The following ANAPC15 variants were observed in gnomAD, a reference collection of about 807,000 sequenced individuals.
ANAPC15 encodes anaphase promoting complex subunit 15, also known as anaphase-promoting complex subunit 15.
In ANAPC15, 13 loss-of-function variants were observed where a neutral mutation model predicts 19.8. The ratio of observed to expected loss-of-function variants is 0.66; its 90% confidence interval spans 0.43 to 1.04. The LOEUF (loss-of-function observed/expected upper bound fraction) is 1.04, where lower values mean the gene tolerates loss of function less well. ANAPC15 is among the 50% of genes least tolerant of loss of function. The pLI, the probability that ANAPC15 is intolerant of heterozygous loss-of-function variation, is 0.00. For synonymous variants in ANAPC15, 45 were observed against 50.7 expected, an observed-to-expected ratio of 0.89 and a Z score of 0.47; for missense variants, 88 against 150.3, an observed-to-expected ratio of 0.59 and a Z score of 2.17.
downstream of ANAPC15, chr11:72,109,180 G>C: frequency 1.9e-6 from 1 of 521,440 alleles, no homozygotes; most frequent in Non-Finnish European, 3.5e-6. Context: ...CTGAGCTCCC[G>C]ACCCAGCTCT....
At chr11:72,111,367 G>T in intron 2 of ANAPC15, 45 bp downstream of exon 2, 1 of 1,112,168 alleles carries the variant, frequency 9.0e-7, no homozygotes, top group Non-Finnish European at 1.3e-6. Context: ...GGATAGGGTG[G>T]AAGACAGCAG....
downstream of ANAPC15, chr11:72,109,305 G>C (rs555713032): frequency 1.1e-4 from 51 of 470,590 alleles, no homozygotes; most frequent in Non-Finnish European, 1.7e-4. Flanking sequence ...CCCAGTTCTC[G>C]GCCTCAGAAA....
chr11:72,108,571 C>G, downstream of ANAPC15: 1 of 1,435,080 alleles, frequency 7.0e-7, no homozygotes, highest in Admixed American at 2.8e-5. Flanking sequence ...ACAATTCCCC[C>G]CACCCTCACC....
At chr11:72,106,484 A>G (rs1350747283), downstream of ANAPC15, 1 of 357,548 alleles carries the variant, frequency 2.8e-6, no homozygotes, top group Non-Finnish European at 5.1e-6. Flanking sequence ...GCCTCAAAGG[A>G]ACCATAATAC....
downstream of ANAPC15, chr11:72,108,851 C>T (rs570166217): frequency 1.1e-4 from 172 of 1,550,730 alleles, no homozygotes; most frequent in Middle Eastern, 5.0e-4. Context: ...CTGCCGCCTC[C>T]ACCACACTGG....
chr11:72,112,747 C>A, upstream of ANAPC15: 1 of 456,544 alleles, frequency 2.2e-6, no homozygotes, highest in Non-Finnish European at 4.4e-6. Flanking sequence ...ACGCATGCGT[C>A]CTTCGTCTCC....
intron 1 of ANAPC15, 175 bp downstream of exon 1, chr11:72,112,475 G>C (rs1947280007): frequency 3.5e-6 from 1 of 281,970 alleles, no homozygotes; most frequent in Non-Finnish European, 7.4e-6. Flanking sequence ...GACGGACCTT[G>C]TGTGACGGGG....
At position 72,109,757 on chromosome 11, in the gene ANAPC15, G is replaced by A. The variant is rs1030495165; in HGVS notation, c.*124C>T. The A allele has an allele frequency of 1.4e-5, 17 of 1,193,660 alleles. No individual in the cohort carries two copies. The highest frequency in any genetic ancestry group is 4.5e-5 in the African/African-American group (3 of 66,754). The allele number at this position is 1,193,660 out of a possible 1,614,324, so 73.9% of individuals were successfully genotyped here. Reference sequence around the variant, plus strand: ...CCAGATCCTGGCAGCAGCTGAGGAGGTGCCCAAGGGCACTTTCAGGCACTG... The same window carrying A: ...CCAGATCCTGGCAGCAGCTGAGGAGATGCCCAAGGGCACTTTCAGGCACTG... On this transcript the variant is annotated 3_prime_UTR_variant, in exon 6 of 6. Transcript: ENST00000227618.
At position 72,110,173 on chromosome 11, in the gene ANAPC15, T is replaced by C; in HGVS notation, c.233A>G (p.Glu78Gly). ...CATATCCTCATCATCCTCTGAGTCC[T>C]CTTCACTATCCTCATCATCTTCATC... ...EDDEDDEDSE[E>G]DSEDDEDMQD... Residue 78 changes from glutamate (E) to glycine (G), a missense_variant, in exon 5 of 6, where the codon GAG becomes GGG. By Grantham distance (98) the Glu-to-Gly change is moderately conservative (BLOSUM62 -2). Coordinates refer to ENST00000227618, the MANE Select transcript of ANAPC15 (RefSeq NM_014042.3). 4.3e-6 allele frequency: 7 copies of C among 1,614,168 alleles called. No individual in the cohort carries two copies. Among genetic ancestry groups the C allele is most frequent in the Non-Finnish European group, 5.9e-6 (7 of 1,180,030 alleles).
chr11:72,108,757 A>G (rs1946003033), downstream of ANAPC15: 1 of 1,550,512 alleles, frequency 6.4e-7, no homozygotes, highest in South Asian at 1.2e-5. Context: ...TACTGCCAGC[A>G]GGTGCCACCG....
At chr11:72,107,844 G>T (rs1483828442), downstream of ANAPC15, 3 of 1,485,302 alleles carry the variant, frequency 2.0e-6, no homozygotes, top group East Asian at 7.4e-5. Context: ...AGTGAGGCAG[G>T]TAGGCATTTG....
At position 72,111,221 on chromosome 11, in the gene ANAPC15, T is replaced by C; in HGVS notation, c.56A>G (p.Asn19Ser). Residue 19 changes from asparagine to serine, a missense_variant, in exon 3 of 6, where the codon AAT (asparagine) becomes AGT (serine). Physicochemically the swap from Asn to Ser is conservative, Grantham distance 46 (BLOSUM62 1). Transcript: ENST00000227618. ...FPRVTETLWF[N>S]LDRPCVEETE... is the part of the protein sequence containing the mutation. ...CTCTTCCACACAGGGTCGATCCAGA[T>C]TAAACCACAGAGTCTCAGTCACACG... is the stretch of plus-strand genomic sequence containing the variant. 4 of 1,614,074 alleles carry C rather than the reference T, an allele frequency of 2.5e-6. No individual in the cohort carries two copies. Among genetic ancestry groups the C allele is most frequent in the Non-Finnish European group, 2.5e-6 (3 of 1,179,956 alleles).
chr11:72,109,057 C>T (rs1946055040), downstream of ANAPC15: 54 of 762,194 alleles, frequency 7.1e-5, 2 homozygotes, highest in Middle Eastern at 1.5e-3. Flanking sequence ...TCTCTTCCCA[C>T]CTCTGACCTC....
At chr11:72,107,196 G>A (rs756087492), downstream of ANAPC15, 3 of 506,784 alleles carry the variant, frequency 5.9e-6, no homozygotes, top group Non-Finnish European at 1.0e-5. Context: ...GAGCCTGGGT[G>A]GTCAAGGCTG....
downstream of ANAPC15, chr11:72,107,331 G>T: frequency 1.6e-6 from 1 of 617,706 alleles, no homozygotes; most frequent in South Asian, 1.8e-5. Flanking sequence ...AGCAATAAAA[G>T]GGGAATGAAA....
intron 1 of ANAPC15, chr11:72,111,907 T>G (rs180802445): frequency 1.0e-4 from 16 of 153,348 alleles, no homozygotes; most frequent in African/African-American, 3.9e-4. Flanking sequence ...GATGGAAGAT[T>G]GAATGGATGA....
chr11:72,108,110 T>C, downstream of ANAPC15: 1 of 1,519,004 alleles, frequency 6.6e-7, no homozygotes, highest in Non-Finnish European at 8.9e-7. Flanking sequence ...CCGGCTTTGA[T>C]GAGCACATGG....
rs1946412247 is a variant in ANAPC15, at chr11:72,110,344, T to C, written c.181-119A>G. On this transcript the variant is annotated intron_variant, in intron 4 of 5. Transcript: ENST00000227618. ...GACCCCCTACCCCGACACTCCCTCC[T>C]TGAGTCTAGCAGGCTGGTGCATGTT... is the stretch of plus-strand genomic sequence containing the variant. 17 of 1,573,294 alleles carry C rather than the reference T, an allele frequency of 1.1e-5. No homozygotes were observed. In the South Asian group the frequency reaches 1.3e-4, roughly 12 times the overall value.
At position 72,111,121 on chromosome 11, in the gene ANAPC15, G is replaced by GCTGGGGTCTCTGTCTATA. The variant is rs376706093; in HGVS notation, c.120+35_120+36insTATAGACAGAGACCCCAG. The GCTGGGGTCTCTGTCTATA allele has an allele frequency of 2.1e-6, 3 of 1,402,596 alleles. No homozygotes were observed. In the African/African-American group the frequency reaches 4.2e-5, roughly 20 times the overall value. The allele number at this position is 1,402,596 out of a possible 1,614,324, so 86.9% of individuals were successfully genotyped here. A position where few individuals can be genotyped will look rare whatever the true frequency, so the allele number is the denominator to read the frequency against. ...CCCACTGAAGGAGGTCTCTGTCTGT[G>GCTGGGGTCTCTGTCTATA]CTGAGGTCTCTGTGCTGTGCTAGCT... On this transcript the variant is annotated intron_variant, in intron 3 of 5. Coordinates refer to ENST00000227618, the MANE Select transcript of ANAPC15 (RefSeq NM_014042.3).
Sources: gnomAD v4.1 joint callset for allele counts on GRCh38, gnomAD v4.1.1 for gene constraint, MANE v1.5 for transcripts, NCBI Gene and HGNC (gene_info 2026-07-23, HGNC 2026-07-21) for gene names.